Variants in ROBO2 observed in about 807,000 individuals in gnomAD.
The protein encoded by ROBO2 is roundabout homolog 2.
In ROBO2, 53 loss-of-function variants were observed where a neutral mutation model predicts 160.8. The observed-to-expected ratio is 0.33, with a 90% confidence interval of 0.26 to 0.41. ROBO2 has a LOEUF of 0.41. Among genes scored for constraint, ROBO2 ranks in the 10% least tolerant of loss-of-function variants. The pLI is 1.00. For synonymous variants in ROBO2, 664 were observed against 611.7 expected (o/e 1.09, Z -1.26); for missense variants, 1,577 against 1,722.4 (o/e 0.92, Z 1.49).
At chr3:77,290,090 T>A (rs1286653344) in intron 2 of ROBO2, among the ~76,000 whole-genome samples, 1 of 151,694 alleles carries the variant, frequency 6.6e-6, no homozygotes. Flanking sequence ...AATTGACGGT[T>A]AAACGGATAA....
chr3:77,455,405 C>T lies in ROBO2; in HGVS notation c.389-22009C>T, dbSNP rs79591294. Among the ~76,000 whole-genome samples, 162 of 152,216 alleles carry T rather than the reference C, an allele frequency of 1.1e-3. 1 individual carries two copies. The East Asian group carries it at 0.023, about 22-fold the overall frequency. On this transcript the variant is annotated intron_variant, in intron 2 of 25. Coordinates refer to ENST00000461745, the Ensembl canonical transcript of ROBO2. The stretch of plus-strand genomic sequence containing the variant: ...GTGAATATACTTAATTAGGGCAAAA[C>T]AGAAGTCCGAAATTAAGGAAAAGCA...
chr3:76,760,625 C>G (rs553970756), intron 2 of ROBO2, among the ~76,000 whole-genome samples: 1 of 151,774 alleles, frequency 6.6e-6, no homozygotes, highest in Admixed American at 6.6e-5. Flanking sequence ...ACCTTTTGCT[C>G]TTACACACAC....
chr3:76,633,174 A>C (rs918545826), intron 2 of ROBO2, among the ~76,000 whole-genome samples: 2 of 152,248 alleles, frequency 1.3e-5, no homozygotes, highest in African/African-American at 4.8e-5. Flanking sequence ...TGCTTTTAAT[A>C]GTATTTATTA....
At chr3:76,333,242 G>C (rs567917843) in intron 2 of ROBO2, among the ~76,000 whole-genome samples, 4 of 152,150 alleles carry the variant, frequency 2.6e-5, no homozygotes, top group Non-Finnish European at 5.9e-5. Flanking sequence ...ACCTGCCCGA[G>C]AAGGTTGTTG....
At chr3:77,066,496 A>G (rs2066857928) in intron 1 of ROBO2, among the ~76,000 whole-genome samples, 1 of 152,088 alleles carries the variant, frequency 6.6e-6, no homozygotes, top group South Asian at 2.1e-4. Flanking sequence ...TGTGTTATCA[A>G]TTAGAAAAAT....
chr3:77,032,295 A>C (rs2063373354), intron 2 of ROBO2, among the ~76,000 whole-genome samples: 1 of 152,192 alleles, frequency 6.6e-6, no homozygotes, highest in African/African-American at 2.4e-5. Flanking sequence ...GATATGAATT[A>C]CAGCTACAAA....
chr3:76,798,266 A>AAGAT (rs1170330622), intron 2 of ROBO2, among the ~76,000 whole-genome samples: 1 of 141,034 alleles, frequency 7.1e-6, no homozygotes, highest in Non-Finnish European at 1.5e-5. Flanking sequence ...GAAGGAAAGA[A>AAGAT]AGAAAGAAAG....
intron 2 of ROBO2, among the ~76,000 whole-genome samples, chr3:76,041,184 C>G (rs944379129): frequency 6.6e-6 from 1 of 151,994 alleles, no homozygotes; most frequent in African/African-American, 2.4e-5. Context: ...AAAGCAATGA[C>G]TATCTGGTAA....
chr3:76,409,853 T>G (rs956480012), intron 2 of ROBO2, among the ~76,000 whole-genome samples: 3 of 152,130 alleles, frequency 2.0e-5, no homozygotes, highest in Non-Finnish European at 2.9e-5. Flanking sequence ...TTATTACTTT[T>G]TAAATTCTTG....
chr3:77,326,629 C>T (rs1279332362), intron 2 of ROBO2, among the ~76,000 whole-genome samples: 3 of 152,036 alleles, frequency 2.0e-5, no homozygotes, highest in Non-Finnish European at 4.4e-5. Flanking sequence ...GAATGCGTTT[C>T]TTTTTTTCAA....
At chr3:76,410,601 T>G (rs532190264) in intron 2 of ROBO2, among the ~76,000 whole-genome samples, 1 of 152,154 alleles carries the variant, frequency 6.6e-6, no homozygotes, top group Non-Finnish European at 1.5e-5. Context: ...CTTTGCCTTA[T>G]TTTTGCATCA....
chr3:76,961,380 G>A (rs115729651), intron 2 of ROBO2, among the ~76,000 whole-genome samples: 3 of 150,238 alleles, frequency 2.0e-5, no homozygotes, highest in Non-Finnish European at 3.0e-5. Flanking sequence ...TTTCAGAGAG[G>A]GTTCACAGAA....
intron 2 of ROBO2, among the ~76,000 whole-genome samples, chr3:76,230,507 A>T (rs976561175): frequency 6.6e-6 from 1 of 151,952 alleles, no homozygotes; most frequent in Non-Finnish European, 1.5e-5. Flanking sequence ...AGGGTGCTTC[A>T]TGTCTCTCTG....
chr3:76,368,040 TTAAAA>T (rs2075915151), intron 2 of ROBO2, among the ~76,000 whole-genome samples: 1 of 151,874 alleles, frequency 6.6e-6, no homozygotes, highest in Admixed American at 6.6e-5. Flanking sequence ...TTTTTAATGT[TTAAAA>T]TAAAATAGTC....
chr3:76,578,228 G>A (rs892832403), intron 2 of ROBO2, among the ~76,000 whole-genome samples: 1 of 152,012 alleles, frequency 6.6e-6, no homozygotes, highest in Non-Finnish European at 1.5e-5. Flanking sequence ...ACAATGCCTG[G>A]CACACTGGAA....
chr3:76,842,823 C>T (rs1324529913), intron 2 of ROBO2, among the ~76,000 whole-genome samples: 1 of 152,108 alleles, frequency 6.6e-6, no homozygotes, highest in Non-Finnish European at 1.5e-5. Context: ...ACTTTCCATA[C>T]ATTATGGAAT....
At chr3:77,198,717 A>T (rs1283258950) in intron 2 of ROBO2, among the ~76,000 whole-genome samples, 1 of 152,150 alleles carries the variant, frequency 6.6e-6, no homozygotes, top group East Asian at 1.9e-4. Context: ...CCTAGCCAAT[A>T]TGGTGAAACC....
intron 2 of ROBO2, among the ~76,000 whole-genome samples, chr3:76,574,034 CT>C (rs1287089306): frequency 6.6e-6 from 1 of 152,048 alleles, no homozygotes; most frequent in African/African-American, 2.4e-5. Flanking sequence ...CTTAACTCCC[CT>C]GATGAACTAG....
At chr3:77,103,351 C>G (rs372111792) in intron 2 of ROBO2, among the ~76,000 whole-genome samples, 1 of 151,868 alleles carries the variant, frequency 6.6e-6, no homozygotes, top group Non-Finnish European at 1.5e-5. Context: ...AGGTGCTGAA[C>G]GCTTTAGTGG....
Sources: allele counts gnomAD v4.1 joint callset (sites outside exome capture counted in the v4.1 genomes callset), GRCh38; gene constraint gnomAD v4.1.1; transcripts MANE v1.5; gene names NCBI Gene and HGNC (gene_info 2026-07-23, HGNC 2026-07-21).